ARHGAP26: variants seen among roughly 807,000 people sequenced by gnomAD.
ARHGAP26 encodes Rho GTPase activating protein 26, also known as rho GTPase-activating protein 26.
Under a neutral mutation model 104.8 loss-of-function variants are expected in ARHGAP26, and 38 were observed. The observed-to-expected ratio is 0.36, with a 90% CI of 0.28 to 0.48. ARHGAP26 has a LOEUF of 0.48. Ranked by LOEUF, ARHGAP26 falls within the 20% of genes least tolerant of loss-of-function variation. The probability of loss-of-function intolerance (pLI) is 0.99; values close to 1 mark genes in which losing one functional copy is unlikely to be tolerated. For synonymous variants in ARHGAP26, 341 were observed against 340.0 expected (o/e 1.00, Z -0.03); for missense variants, 704 against 947.9 (o/e 0.74, Z 3.38).
chr5:142,838,415 A>G (rs1265282482), intron 1 of ARHGAP26, among the ~76,000 whole-genome samples: 1 of 152,158 alleles, frequency 6.6e-6, no homozygotes, highest in Non-Finnish European at 1.5e-5. Flanking sequence ...AATACAAAGG[A>G]AGTTAATTTT....
intron 1 of ARHGAP26, among the ~76,000 whole-genome samples, chr5:142,861,104 G>T (rs1395133690): frequency 6.6e-6 from 1 of 152,170 alleles, no homozygotes; most frequent in African/African-American, 2.4e-5. Context: ...ATGAGTTCCT[G>T]CCTGGACTGG....
chr5:143,161,087 C>G (rs552311661), intron 20 of ARHGAP26, among the ~76,000 whole-genome samples: 1 of 145,300 alleles, frequency 6.9e-6, no homozygotes, highest in African/African-American at 2.6e-5. Flanking sequence ...TCTCAATTCA[C>G]TGCAACCTCC....
intron 11 of ARHGAP26, among the ~76,000 whole-genome samples, chr5:143,005,635 TACTG>T (rs1388395935): frequency 6.6e-6 from 1 of 152,216 alleles, no homozygotes; most frequent in Non-Finnish European, 1.5e-5. Context: ...CCCCCAATGT[TACTG>T]AGGAATAATA....
chr5:142,777,937 G>T (rs1332801559), intron 1 of ARHGAP26, among the ~76,000 whole-genome samples: 1 of 152,208 alleles, frequency 6.6e-6, no homozygotes, highest in Admixed American at 6.5e-5. Flanking sequence ...ACTTTAAAAA[G>T]ATTATGTAGG....
chr5:142,904,492 C>T (rs1760817743), intron 8 of ARHGAP26, among the ~76,000 whole-genome samples: 1 of 149,158 alleles, frequency 6.7e-6, no homozygotes, highest in Non-Finnish European at 1.5e-5. Context: ...GTACTCCAGC[C>T]TGGGTGACAG....
intron 4 of ARHGAP26, among the ~76,000 whole-genome samples, chr5:142,879,900 G>A (rs6870362): frequency 0.016 from 2,464 of 152,282 alleles, 62 homozygotes; most frequent in African/African-American, 0.056. Flanking sequence ...GGAGGCAGCT[G>A]GTACTTAGGT....
chr5:142,932,010 C>G, intron 10 of ARHGAP26, 37 bp from the exon 11 acceptor site: 1 of 1,585,908 alleles, frequency 6.3e-7, no homozygotes, highest in South Asian at 1.1e-5. Flanking sequence ...CTACATGTGG[C>G]ACTGGTTTCA....
intron 8 of ARHGAP26, chr5:142,907,464 A>G (rs1200194834): frequency 1.2e-5 from 3 of 256,590 alleles, no homozygotes. Flanking sequence ...TGGATGTAGC[A>G]TCAATGGGAA....
chr5:142,781,754 C>T (rs1246544000), intron 1 of ARHGAP26, among the ~76,000 whole-genome samples: 1 of 152,148 alleles, frequency 6.6e-6, no homozygotes, highest in Non-Finnish European at 1.5e-5. Context: ...CTCTGTTGCC[C>T]AGGCTGGAGT....
intron 13 of ARHGAP26, among the ~76,000 whole-genome samples, chr5:143,039,324 C>T (rs1783103202): frequency 6.8e-6 from 1 of 146,716 alleles, no homozygotes; most frequent in African/African-American, 2.6e-5. Flanking sequence ...TCTCCTACCT[C>T]AGCCTCCTGA....
intron 1 of ARHGAP26, 29 bp downstream of exon 1, chr5:142,770,944 G>C: frequency 1.3e-6 from 2 of 1,581,836 alleles, no homozygotes; most frequent in Non-Finnish European, 1.7e-6. Flanking sequence ...TCGGGGACGC[G>C]GCTCCGGGGC....
intron 20 of ARHGAP26, among the ~76,000 whole-genome samples, chr5:143,189,305 A>T (rs1805569662): frequency 6.6e-6 from 1 of 152,200 alleles, no homozygotes; most frequent in Non-Finnish European, 1.5e-5. Flanking sequence ...ATGTTTAACC[A>T]TAAAAAAGAT....
chr5:142,903,417 C>G lies in ARHGAP26; in HGVS notation c.703-123C>G, dbSNP rs112182498. 26 of 1,056,364 alleles carry G rather than the reference C, an allele frequency of 2.5e-5. 1 individual carries two copies. The highest frequency in any genetic ancestry group is 1.8e-4 in the African/African-American group (11 of 62,086). The allele number at this position is 1,056,364 out of a possible 1,614,324, so 65.4% of individuals were successfully genotyped here. A position where few individuals can be genotyped will look rare whatever the true frequency, so the allele number is the denominator to read the frequency against. On this transcript the variant is annotated intron_variant, in intron 7 of 22. Coordinates refer to ENST00000645722, the MANE Select transcript of ARHGAP26 (RefSeq NM_001135608.3). ...TACTTGTCATAAGGGAGTATTTGGCCAGTTCCTGGAAGGTTGAATGTCCTT... is the reference window on the plus strand; with the variant it reads ...TACTTGTCATAAGGGAGTATTTGGCGAGTTCCTGGAAGGTTGAATGTCCTT...
At chr5:142,893,265 G>A (rs145835612) in intron 5 of ARHGAP26, among the ~76,000 whole-genome samples, 15 of 151,900 alleles carry the variant, frequency 9.9e-5, no homozygotes, top group African/African-American at 2.9e-4. Flanking sequence ...CATGAACCAC[G>A]GCACCTGACT....
At position 143,105,424 on chromosome 5, in the gene ARHGAP26, T is replaced by TAA. The variant is rs1562434768; in HGVS notation, c.1539-15560_1539-15559dup. On this transcript the variant is annotated intron_variant, in intron 17 of 22. Coordinates refer to ENST00000645722, the MANE Select transcript of ARHGAP26 (RefSeq NM_001135608.3). ...AAATAAATAAATAAATAAATAAATA[T>TAA]AAAAATAGGTCTAACCTAAAGACCA... Among the ~76,000 whole-genome samples, 7 of 114,392 alleles carry TAA rather than the reference T, an allele frequency of 6.1e-5. No individual in the cohort carries two copies. The East Asian group carries it at 8.6e-4, about 14-fold the overall frequency. The allele number at this position is 114,392 out of a possible 152,430, so 75.0% of individuals were successfully genotyped here. A position where few individuals can be genotyped will look rare whatever the true frequency, so the allele number is the denominator to read the frequency against.
chr5:142,808,792 C>T (rs1763526789), intron 1 of ARHGAP26, among the ~76,000 whole-genome samples: 2 of 152,156 alleles, frequency 1.3e-5, no homozygotes, highest in South Asian at 4.1e-4. Context: ...GAAACCCCTT[C>T]TATCACCGCG....
chr5:143,204,624 C>A (rs1294917810), intron 20 of ARHGAP26, among the ~76,000 whole-genome samples: 4 of 152,104 alleles, frequency 2.6e-5, no homozygotes, highest in Non-Finnish European at 5.9e-5. Context: ...AGCCGCACCC[C>A]CAGATAATTT....
At chr5:142,951,617 T>C (rs984341063) in intron 11 of ARHGAP26, among the ~76,000 whole-genome samples, 1 of 152,168 alleles carries the variant, frequency 6.6e-6, no homozygotes. Context: ...GATCTTATCA[T>C]CCTTTAAGGG....
chr5:142,982,710 G>A (rs1774121177), intron 11 of ARHGAP26, among the ~76,000 whole-genome samples: 1 of 152,142 alleles, frequency 6.6e-6, no homozygotes, highest in African/African-American at 2.4e-5. Flanking sequence ...GCATTCCTTA[G>A]CTTTGAGGCA....
Sources: allele counts gnomAD v4.1 joint callset (sites outside exome capture counted in the v4.1 genomes callset), GRCh38; gene constraint gnomAD v4.1.1; transcripts MANE v1.5; gene names NCBI Gene and HGNC (gene_info 2026-07-23, HGNC 2026-07-21).